ADGB: variants seen among roughly 807,000 people sequenced by gnomAD.
ADGB encodes the protein calpain-7-like protein.
ADGB carries 172 observed loss-of-function variants against 210.5 expected under a neutral mutation model. The ratio of observed to expected loss-of-function variants is 0.82; its 90% CI spans 0.72 to 0.93. ADGB has a LOEUF of 0.93. Among genes scored for constraint, ADGB ranks in the 40% least tolerant of loss-of-function variants. The pLI, the probability that ADGB is intolerant of heterozygous loss-of-function variation, is 0.00. For synonymous variants in ADGB, 658 were observed against 662.7 expected (o/e 0.99, Z 0.11); for missense variants, 2,025 against 1,964.8 (o/e 1.03, Z -0.58).
chr6:146,806,772 G>A (rs1778218234), intron 35 of ADGB, among the ~76,000 whole-genome samples: 1 of 152,210 alleles, frequency 6.6e-6, no homozygotes, highest in African/African-American at 2.4e-5. Context: ...AGAAATCAGT[G>A]AAGGTGACTG....
At chr6:146,649,138 G>T (rs574196231) in intron 3 of ADGB, among the ~76,000 whole-genome samples, 2 of 150,526 alleles carry the variant, frequency 1.3e-5, no homozygotes, top group Admixed American at 6.6e-5. Flanking sequence ...ATTAAACAAA[G>T]GTAGTCATTA....
chr6:146,728,105 A>G (rs1312910085), intron 19 of ADGB, among the ~76,000 whole-genome samples: 1 of 152,180 alleles, frequency 6.6e-6, no homozygotes, highest in Non-Finnish European at 1.5e-5. Context: ...GTTTTTAAAA[A>G]TTAGTTACTT....
At chr6:146,692,706 T>C (rs1297503520) in intron 11 of ADGB, 119 bp from the exon 12 acceptor site, 3 of 491,904 alleles carry the variant, frequency 6.1e-6, no homozygotes, top group Admixed American at 3.8e-5. Flanking sequence ...TTTCACACTA[T>C]TGAAATTTGC....
intron 33 of ADGB, among the ~76,000 whole-genome samples, chr6:146,793,182 C>CGCATTTTACAGAGCGCTGATTGGT (rs1777977073): frequency 1.3e-5 from 2 of 151,324 alleles, no homozygotes; most frequent in Non-Finnish European, 2.9e-5. Flanking sequence ...TGATGAGTGG[C>CGCATTTTACAGAGCGCTGATTGGT]GCATTTTACA....
At chr6:146,789,559 G>C (rs1777925247) in intron 33 of ADGB, among the ~76,000 whole-genome samples, 1 of 152,166 alleles carries the variant, frequency 6.6e-6, no homozygotes, top group Admixed American at 6.5e-5. Flanking sequence ...TCCATACTGA[G>C]AGGAAAATTC....
intron 1 of ADGB, among the ~76,000 whole-genome samples, chr6:146,624,421 C>A (rs1266997696): frequency 6.6e-6 from 1 of 151,794 alleles, no homozygotes; most frequent in East Asian, 1.9e-4. Context: ...GTAGTGATGT[C>A]TTCTCTTTGA....
At chr6:146,748,950 A>T (rs558642461) in intron 26 of ADGB, among the ~76,000 whole-genome samples, 1 of 152,204 alleles carries the variant, frequency 6.6e-6, no homozygotes, top group East Asian at 1.9e-4. Context: ...CTTAATTTTA[A>T]CTTGATTCTC....
intron 14 of ADGB, among the ~76,000 whole-genome samples, chr6:146,716,597 C>CT: frequency 3.6e-5 from 1 of 27,562 alleles, no homozygotes; most frequent in South Asian, 2.3e-3. Flanking sequence ...GAGACTCCGT[C>CT]TCAAAAAAAA....
chr6:146,748,597 T>C (rs1396048862), intron 26 of ADGB, among the ~76,000 whole-genome samples: 1 of 152,164 alleles, frequency 6.6e-6, no homozygotes, highest in Non-Finnish European at 1.5e-5. Flanking sequence ...CAAATTTCCC[T>C]TTTTCTTTAG....
rs542938035 is a variant in ADGB at position 146,779,165 on chromosome 6, TATC to T, written c.3863-2852_3863-2850del. ...TTTCAAGGTCTTATTCCCAAAGACT[TATC>T]ATTATTTGACTTGTTTGATGATTTC... On this transcript the variant is annotated intron_variant, in intron 29 of 35. Transcript: ENST00000397944. Among the ~76,000 whole-genome samples the T allele has an allele frequency of 1.5e-3, 234 of 152,248 alleles. 1 individual carries two copies. Among genetic ancestry groups the T allele is most frequent in the African/African-American group, 5.3e-3 (222 of 41,540 alleles).
intron 13 of ADGB, among the ~76,000 whole-genome samples, chr6:146,704,978 C>T (rs1210182716): frequency 1.3e-5 from 2 of 151,942 alleles, no homozygotes; most frequent in East Asian, 3.9e-4. Context: ...GGACATCTTT[C>T]CATTTATTTG....
chr6:146,721,326 C>T, intron 16 of ADGB, 77 bp from the exon 17 acceptor site: 1 of 922,910 alleles, frequency 1.1e-6, no homozygotes, highest in Admixed American at 2.1e-5. Flanking sequence ...AGATGTTATA[C>T]TATGTTTTCA....
At chr6:146,718,508 T>C (rs1231254942) in intron 16 of ADGB, among the ~76,000 whole-genome samples, 2 of 152,196 alleles carry the variant, frequency 1.3e-5, no homozygotes, top group African/African-American at 4.8e-5. Context: ...TCTTTTTGTT[T>C]ACCACTTATA....
At chr6:146,781,959 C>G (rs1777806701) in intron 29 of ADGB, 61 bp from the exon 30 acceptor site, 5 of 1,265,304 alleles carry the variant, frequency 4.0e-6, no homozygotes, top group Non-Finnish European at 5.2e-6. Flanking sequence ...CCCTTGTCCC[C>G]TGTGAAACCA....
intron 35 of ADGB, among the ~76,000 whole-genome samples, chr6:146,808,672 T>C (rs1778250510): frequency 6.6e-6 from 1 of 152,204 alleles, no homozygotes; most frequent in African/African-American, 2.4e-5. Flanking sequence ...ACTTATCCTT[T>C]CTACTGTTAA....
At chr6:146,599,201 T>G (rs1780515512) in intron 1 of ADGB, 87 bp downstream of exon 1, 2 of 1,265,048 alleles carry the variant, frequency 1.6e-6, no homozygotes, top group Admixed American at 2.0e-5. Flanking sequence ...TGCAGCAAAC[T>G]GTGCCAGGGC....
At chr6:146,636,584 T>C (rs1380477531) in intron 2 of ADGB, among the ~76,000 whole-genome samples, 3 of 151,566 alleles carry the variant, frequency 2.0e-5, no homozygotes, top group South Asian at 2.1e-4. Flanking sequence ...TCAAAACTTA[T>C]GGAGAGAGAG....
chr6:146,662,460 T>C (rs1775875513), intron 5 of ADGB, among the ~76,000 whole-genome samples: 1 of 152,146 alleles, frequency 6.6e-6, no homozygotes. Flanking sequence ...GCTTAAAATT[T>C]CTATTTTTAT....
intron 11 of ADGB, among the ~76,000 whole-genome samples, 157 bp downstream of exon 11, chr6:146,691,447 TA>T (rs1776317217): frequency 4.7e-5 from 1 of 21,100 alleles, no homozygotes; most frequent in Non-Finnish European, 7.3e-5. Context: ...TATATAAAAA[TA>T]TATATATATA....
Sources: gnomAD v4.1 joint callset for allele counts (sites outside exome capture counted in the v4.1 genomes callset) on GRCh38, gnomAD v4.1.1 for gene constraint, MANE v1.5 for transcripts, NCBI Gene and HGNC (gene_info 2026-07-23, HGNC 2026-07-21) for gene names.